Variants in EXT1 observed in about 807,000 individuals in gnomAD.
EXT1 encodes the protein exostosin glycosyltransferase 1.
A neutral mutation model predicts 82.5 loss-of-function variants in EXT1; 20 were observed. That is an observed-to-expected ratio of 0.24 (90% confidence interval 0.17 to 0.35). The LOEUF (loss-of-function observed/expected upper bound fraction) is 0.35, where lower values mean the gene tolerates loss of function less well. Ranked by LOEUF, EXT1 falls within the 10% of genes least tolerant of loss-of-function variation. The pLI is 1.00. For missense variants in EXT1, 757 were observed against 936.5 expected (o/e 0.81, Z 2.50); for synonymous variants, 348 against 350.8 (o/e 0.99, Z 0.09).
rs529505115 is a variant in EXT1, at chr8:118,096,752, G to C, written c.962+13333C>G. Among the ~76,000 whole-genome samples, 61 of 152,210 alleles carry C rather than the reference G, an allele frequency of 4.0e-4. 1 individual carries two copies. The highest frequency in any genetic ancestry group is 1.3e-3 in the African/African-American group (54 of 41,536). ...AGAAAGGATACCTTGGGGAAAAAAA[G>C]GTTCATTGGGAGAAACTTCCCATTT... On this transcript the variant is annotated intron_variant, in intron 1 of 10. Coordinates refer to ENST00000378204, the MANE Select transcript of EXT1 (RefSeq NM_000127.3).
chr8:117,838,642 A>T (rs977404201), intron 1 of EXT1, among the ~76,000 whole-genome samples: 5 of 148,550 alleles, frequency 3.4e-5, no homozygotes, highest in African/African-American at 7.4e-5. Flanking sequence ...AGTTAAATAT[A>T]AAAAAAAAAT....
At chr8:118,010,340 C>T (rs1431932046) in intron 1 of EXT1, among the ~76,000 whole-genome samples, 1 of 148,076 alleles carries the variant, frequency 6.8e-6, no homozygotes, top group Non-Finnish European at 1.5e-5. Context: ...CCACTGCACT[C>T]CAGCCTGAGC....
chr8:118,087,960 A>T (rs1817454249), intron 1 of EXT1, among the ~76,000 whole-genome samples: 1 of 146,786 alleles, frequency 6.8e-6, no homozygotes, highest in South Asian at 2.1e-4. Flanking sequence ...AAAAAAAAAA[A>T]TCCTACAAGT....
At chr8:117,805,772 T>C (rs960986287) in intron 9 of EXT1, among the ~76,000 whole-genome samples, 2 of 152,212 alleles carry the variant, frequency 1.3e-5, no homozygotes, top group Non-Finnish European at 2.9e-5. Context: ...AGCAGGTATT[T>C]TGTTACTGGT....
At chr8:117,923,583 A>C (rs1173969012) in intron 1 of EXT1, among the ~76,000 whole-genome samples, 1 of 151,494 alleles carries the variant, frequency 6.6e-6, no homozygotes. Flanking sequence ...AAAATTAGCC[A>C]GGCATGGTGG....
At position 117,901,498 on chromosome 8, in the gene EXT1, A is replaced by G. The variant is rs568373244; in HGVS notation, c.963-64297T>C. ...GCAAAGGCCTAGGGCATGACTGTACACTGTTATAGACTTTATAAACACTGT... is the reference window on the plus strand; with the variant it reads ...GCAAAGGCCTAGGGCATGACTGTACGCTGTTATAGACTTTATAAACACTGT... On this transcript the variant is annotated intron_variant, in intron 1 of 10. Coordinates refer to ENST00000378204, the MANE Select transcript of EXT1 (RefSeq NM_000127.3). 2.0e-5 allele frequency among the ~76,000 whole-genome samples: 3 copies of G among 152,226 alleles called. No homozygotes were observed. In the East Asian group the frequency reaches 5.8e-4, roughly 29 times the overall value.
chr8:117,887,655 T>C (rs983228558), intron 1 of EXT1, among the ~76,000 whole-genome samples: 12 of 137,388 alleles, frequency 8.7e-5, no homozygotes, highest in African/African-American at 3.2e-4. Flanking sequence ...CAGCCCCCTT[T>C]CTTACTCTTT....
chr8:117,814,276 G>A (rs1329954079), intron 7 of EXT1, among the ~76,000 whole-genome samples: 5 of 150,094 alleles, frequency 3.3e-5, no homozygotes, highest in African/African-American at 1.2e-4. Context: ...GGGGGCTTTG[G>A]AGATTATGGC....
intron 1 of EXT1, among the ~76,000 whole-genome samples, chr8:117,905,407 G>A (rs893620219): frequency 2.6e-5 from 4 of 152,174 alleles, no homozygotes; most frequent in Non-Finnish European, 5.9e-5. Flanking sequence ...ATGGTGCCTG[G>A]CACATGGGGG....
In EXT1 at chr8:117,874,307, C is replaced by T. The variant is rs370457913; in HGVS notation, c.963-37106G>A. Among the ~76,000 whole-genome samples, 300 of 152,044 alleles carry T rather than the reference C, an allele frequency of 2.0e-3. 3 individuals are homozygous for T. Among genetic ancestry groups the T allele is most frequent in the South Asian group, 0.013 (64 of 4,824 alleles). On this transcript the variant is annotated intron_variant, in intron 1 of 10. Transcript: ENST00000378204. Reference sequence around the variant, plus strand: ...TTTAAAGGGAACAATCCTGGCCGGACGTGGTAGCTACAATCCCAGCACTTT... The same window carrying T: ...TTTAAAGGGAACAATCCTGGCCGGATGTGGTAGCTACAATCCCAGCACTTT...
chr8:118,067,097 C>T (rs1013160413), intron 1 of EXT1, among the ~76,000 whole-genome samples: 1 of 152,230 alleles, frequency 6.6e-6, no homozygotes, highest in African/African-American at 2.4e-5. Context: ...CTCTCACTGA[C>T]TCTAGGTTTA....
intron 1 of EXT1, among the ~76,000 whole-genome samples, chr8:118,059,963 C>T (rs2129940625): frequency 6.6e-6 from 1 of 152,306 alleles, no homozygotes; most frequent in African/African-American, 2.4e-5. Flanking sequence ...CCAAAGAACA[C>T]ATTTCTTTAC....
rs1178716693 is a variant in EXT1, at chr8:117,936,776, G to A, written c.963-99575C>T. ...TGTAATCCCAGCTACTTGGGAGGCT[G>A]AGGCAGGAGAATCACTTGAAACCGG... On this transcript the variant is annotated intron_variant, in intron 1 of 10. Coordinates refer to ENST00000378204, the MANE Select transcript of EXT1 (RefSeq NM_000127.3). 2.0e-5 allele frequency among the ~76,000 whole-genome samples: 3 copies of A among 152,198 alleles called. No homozygotes were observed. The East Asian group carries it at 5.8e-4, about 29-fold the overall frequency.
intron 1 of EXT1, among the ~76,000 whole-genome samples, chr8:118,013,756 A>G (rs1170724539): frequency 6.6e-6 from 1 of 152,226 alleles, no homozygotes; most frequent in African/African-American, 2.4e-5. Context: ...TTTCTAGTAT[A>G]CTATGGTCCA....
At chr8:118,107,922 G>A (rs1207747887) in intron 1 of EXT1, among the ~76,000 whole-genome samples, 1 of 152,172 alleles carries the variant, frequency 6.6e-6, no homozygotes, top group African/African-American at 2.4e-5. Flanking sequence ...CCCTGCTAAA[G>A]AGATCCCTGC....
chr8:117,831,274 A>C (rs542967119), intron 3 of EXT1, among the ~76,000 whole-genome samples: 2 of 152,320 alleles, frequency 1.3e-5, no homozygotes, highest in South Asian at 4.1e-4. Flanking sequence ...TTTACTTATA[A>C]AGTGGGGATA....
intron 1 of EXT1, among the ~76,000 whole-genome samples, chr8:118,069,565 T>C (rs773541685): frequency 5.9e-5 from 9 of 152,178 alleles, no homozygotes; most frequent in Non-Finnish European, 1.2e-4. Flanking sequence ...TTGGAAGGAC[T>C]ACAGATCTAG....
intron 1 of EXT1, among the ~76,000 whole-genome samples, chr8:117,900,113 A>G (rs1813414430): frequency 6.6e-6 from 1 of 152,168 alleles, no homozygotes; most frequent in Non-Finnish European, 1.5e-5. Context: ...TCGCTTCCAC[A>G]CAATGTGGTG....
chr8:118,077,179 TCTG>T (rs1190032757), intron 1 of EXT1, among the ~76,000 whole-genome samples: 1 of 152,242 alleles, frequency 6.6e-6, no homozygotes, highest in African/African-American at 2.4e-5. Context: ...TGCCAAGAGC[TCTG>T]CTGCATATGA....
Sources: allele counts gnomAD v4.1 joint callset (sites outside exome capture counted in the v4.1 genomes callset), GRCh38; gene constraint gnomAD v4.1.1; transcripts MANE v1.5; gene names NCBI Gene and HGNC (gene_info 2026-07-23, HGNC 2026-07-21).